Variants in EDAR observed in about 807,000 individuals in gnomAD.
EDAR encodes tumor necrosis factor receptor superfamily member EDAR.
A neutral mutation model predicts 51.3 loss-of-function variants in EDAR; 38 were observed. The ratio of observed to expected loss-of-function variants is 0.74; its 90% CI spans 0.57 to 0.97. EDAR has a LOEUF of 0.97. EDAR is among the 50% of genes least tolerant of loss of function. The pLI, the probability that EDAR is intolerant of heterozygous loss-of-function variation, is 0.00. For synonymous variants in EDAR, 227 were observed against 242.1 expected, an observed-to-expected ratio of 0.94 and a Z score of 0.58; for missense variants, 528 against 595.0, an observed-to-expected ratio of 0.89 and a Z score of 1.17.
intron 1 of EDAR, among the ~76,000 whole-genome samples, chr2:108,984,804 C>T (rs1469385769): frequency 1.3e-5 from 2 of 152,190 alleles, no homozygotes; most frequent in African/African-American, 4.8e-5. Flanking sequence ...CACTGTGTTA[C>T]TCACTACATC....
chr2:108,929,450 C>T, intron 3 of EDAR, 71 bp from the exon 4 acceptor site: 1 of 1,524,696 alleles, frequency 6.6e-7, no homozygotes, highest in Non-Finnish European at 9.1e-7. Flanking sequence ...GGCCCACAGT[C>T]CTTGGGCAGT....
intron 2 of EDAR, 140 bp downstream of exon 2, chr2:108,930,824 G>A (rs78887701): frequency 0.04 from 38,158 of 952,292 alleles, 979 homozygotes; most frequent in Non-Finnish European, 0.05. Flanking sequence ...TGCAGGCCTG[G>A]TTTCATTTCA....
chr2:108,984,690 G>GC (rs568709224), intron 1 of EDAR, among the ~76,000 whole-genome samples: 1 of 150,594 alleles, frequency 6.6e-6, no homozygotes, highest in Non-Finnish European at 1.5e-5. Context: ...TAGTTTGTTT[G>GC]TTTTTTTTTC....
chr2:108,954,636 C>T (rs925174420), intron 1 of EDAR, among the ~76,000 whole-genome samples: 11 of 152,148 alleles, frequency 7.2e-5, no homozygotes, highest in Admixed American at 4.6e-4. Flanking sequence ...GTCACATTCC[C>T]TCAGTGACCT....
At chr2:108,942,015 G>A (rs1697609171) in intron 1 of EDAR, among the ~76,000 whole-genome samples, 1 of 152,214 alleles carries the variant, frequency 6.6e-6, no homozygotes, top group African/African-American at 2.4e-5. Flanking sequence ...CTTGTGTGAT[G>A]GAAACTCCAC....
chr2:108,920,401 G>A (rs1697114008), intron 5 of EDAR, among the ~76,000 whole-genome samples: 1 of 152,170 alleles, frequency 6.6e-6, no homozygotes, highest in Non-Finnish European at 1.5e-5. Flanking sequence ...TGCCCCCACT[G>A]TCATTAAATC....
chr2:108,910,646 C>G, intron 8 of EDAR, 114 bp from the exon 9 acceptor site: 1 of 1,406,882 alleles, frequency 7.1e-7, no homozygotes, highest in Non-Finnish European at 1.0e-6. Flanking sequence ...CTGTGTGGCA[C>G]CACCCCACGG....
At chr2:108,959,580 G>T (rs924490657) in intron 1 of EDAR, among the ~76,000 whole-genome samples, 2 of 151,350 alleles carry the variant, frequency 1.3e-5, no homozygotes, top group Non-Finnish European at 2.9e-5. Flanking sequence ...GCAGTCATGG[G>T]GCTGAGGGGA....
At chr2:108,899,554 A>G (rs1180234077) in intron 11 of EDAR, among the ~76,000 whole-genome samples, 4 of 152,254 alleles carry the variant, frequency 2.6e-5, no homozygotes, top group Non-Finnish European at 5.9e-5. Flanking sequence ...AGTTTTCTGA[A>G]TTACATTAGG....
At position 108,894,511 on chromosome 2, in the gene EDAR, T is replaced by TTA. The variant is rs1051897332; in HGVS notation, c.*2394_*2395dup. ...TATTGAGATTATAAAATATAATAAGTTATATATATACAGAATTAGACAAAA... is the reference window on the plus strand; with the variant it reads ...TATTGAGATTATAAAATATAATAAGTTATATATATATACAGAATTAGACAAAA... On this transcript the variant is annotated 3_prime_UTR_variant, in exon 12 of 12. Transcript: ENST00000258443. The TTA allele has an allele frequency of 1.3e-5, 2 of 152,182 alleles. No homozygotes were observed. Among genetic ancestry groups the TTA allele is most frequent in the Non-Finnish European group, 2.9e-5 (2 of 68,002 alleles). The allele number at this position is 152,182 out of a possible 1,614,324, so 9.4% of individuals were successfully genotyped here. A position where few individuals can be genotyped will look rare whatever the true frequency, so the allele number is the denominator to read the frequency against.
chr2:108,912,614 C>T, intron 6 of EDAR, 64 bp downstream of exon 6: 1 of 1,446,178 alleles, frequency 6.9e-7, no homozygotes, highest in Non-Finnish European at 9.5e-7. Flanking sequence ...TTCCTCTCCT[C>T]TTCTGAGCTT....
intron 1 of EDAR, among the ~76,000 whole-genome samples, chr2:108,941,158 ATTAGGACTTTAGTCCTTT>A (rs1347575028): frequency 1.3e-5 from 2 of 152,234 alleles, no homozygotes; most frequent in Non-Finnish European, 1.5e-5. Context: ...CGTTGTGGGA[ATTAGGACTTTAGTCCTTT>A]TTATTGCCGA....
At chr2:108,960,803 G>A (rs1444291209) in intron 1 of EDAR, among the ~76,000 whole-genome samples, 1 of 152,042 alleles carries the variant, frequency 6.6e-6, no homozygotes, top group Non-Finnish European at 1.5e-5. Flanking sequence ...ATTGAGTTTT[G>A]TATCCTGTTT....
chr2:108,987,564 T>G (rs1047646182), intron 1 of EDAR, among the ~76,000 whole-genome samples: 3 of 152,098 alleles, frequency 2.0e-5, no homozygotes, highest in Admixed American at 6.5e-5. Flanking sequence ...GGCCAGGGAG[T>G]GAAAATCAAG....
In EDAR at chr2:108,922,412, G is replaced by A. The variant is rs897543476; in HGVS notation, c.442+956C>T. On this transcript the variant is annotated intron_variant, in intron 5 of 11. Coordinates refer to ENST00000258443, the MANE Select transcript of EDAR (RefSeq NM_022336.4). ...TGGCCAGGAAAATGGCTTTGAAGACGAGCAAACACATTGGTGCAGGGCTCA... is the reference window on the plus strand; with the variant it reads ...TGGCCAGGAAAATGGCTTTGAAGACAAGCAAACACATTGGTGCAGGGCTCA... Among the ~76,000 whole-genome samples the A allele has an allele frequency of 4.6e-5, 7 of 152,322 alleles. No homozygotes were observed. The South Asian group carries it at 1.2e-3, about 27-fold the overall frequency.
chr2:108,908,022 G>A lies in EDAR; in HGVS notation c.804-3C>T. On this transcript the variant is annotated splice_polypyrimidine_tract_variant and splice_region_variant and intron_variant, in intron 9 of 11. Transcript: ENST00000258443. ...TCTCGGATGAGGCATCGTTCTCGCT[G>A]CAAAAACAAGAGCGATGGTCATTAG... 6.2e-7 allele frequency: 1 copy of A among 1,606,278 alleles called. No individual in the cohort carries two copies. Among genetic ancestry groups the A allele is most frequent in the Non-Finnish European group, 8.5e-7 (1 of 1,174,386 alleles).
chr2:108,943,936 A>G (rs1302767899), intron 1 of EDAR, among the ~76,000 whole-genome samples: 2 of 152,190 alleles, frequency 1.3e-5, no homozygotes, highest in Non-Finnish European at 2.9e-5. Flanking sequence ...ACAGGGAGAC[A>G]GGTTTTCCTG....
chr2:108,923,112 T>G (rs562146111), intron 5 of EDAR, among the ~76,000 whole-genome samples: 2 of 152,304 alleles, frequency 1.3e-5, no homozygotes, highest in South Asian at 4.1e-4. Context: ...CCGAGGCTCA[T>G]GGAGGTTAAG....
At chr2:108,925,073 A>G (rs1442655764) in intron 4 of EDAR, among the ~76,000 whole-genome samples, 2 of 150,830 alleles carry the variant, frequency 1.3e-5, no homozygotes, top group Non-Finnish European at 3.0e-5. Context: ...TCTCTCTCCC[A>G]CCTAGGGGGA....
Sources: allele counts gnomAD v4.1 joint callset (sites outside exome capture counted in the v4.1 genomes callset), GRCh38; gene constraint gnomAD v4.1.1; transcripts MANE v1.5; gene names NCBI Gene and HGNC (gene_info 2026-07-23, HGNC 2026-07-21).